Variants in UNC5C observed in about 807,000 individuals in gnomAD.
UNC5C encodes netrin receptor UNC5C.
A neutral mutation model predicts 99.8 loss-of-function variants in UNC5C; 47 were observed. The observed-to-expected ratio is 0.47, with a 90% confidence interval of 0.37 to 0.60. The LOEUF is 0.60. Ranked by LOEUF, UNC5C falls within the 20% of genes least tolerant of loss-of-function variation. UNC5C has a pLI of 0.00. For synonymous variants in UNC5C, 487 were observed against 452.2 expected (o/e 1.08, Z -0.98); for missense variants, 1,062 against 1,165.9 (o/e 0.91, Z 1.30).
At chr4:95,370,640 T>C (rs1040160464) in intron 1 of UNC5C, among the ~76,000 whole-genome samples, 1 of 152,240 alleles carries the variant, frequency 6.6e-6, no homozygotes, top group Non-Finnish European at 1.5e-5. Flanking sequence ...TAACCTTCTT[T>C]TGCTCACTTA....
chr4:95,344,413 C>T (rs1743693307), intron 1 of UNC5C, among the ~76,000 whole-genome samples: 1 of 152,034 alleles, frequency 6.6e-6, no homozygotes, highest in Admixed American at 6.6e-5. Context: ...GAGATTTTAT[C>T]AACACCAGAC....
chr4:95,220,556 C>T (rs1738434951), intron 7 of UNC5C, among the ~76,000 whole-genome samples: 1 of 152,118 alleles, frequency 6.6e-6, no homozygotes, highest in Admixed American at 6.6e-5. Context: ...AAAACATAAA[C>T]ATAAACACTG....
rs944479016 is a variant in UNC5C, at chr4:95,353,586, A to T, written c.125-17955T>A. Among the ~76,000 whole-genome samples, 30 of 152,036 alleles carry T rather than the reference A, an allele frequency of 2.0e-4. 1 individual carries two copies. Among genetic ancestry groups the T allele is most frequent in the African/African-American group, 6.8e-4 (28 of 41,458 alleles). The stretch of plus-strand genomic sequence containing the variant: ...GCATGGAAAATTATATCAGAGTGTT[A>T]GGCTAAGATAGTGAAGGAGACTAAC... On this transcript the variant is annotated intron_variant, in intron 1 of 15. Transcript: ENST00000453304.
intron 7 of UNC5C, among the ~76,000 whole-genome samples, chr4:95,232,368 G>A (rs1004311227): frequency 1.3e-5 from 2 of 151,974 alleles, no homozygotes; most frequent in Admixed American, 6.6e-5. Context: ...AAATCCAAAA[G>A]CAATGATACC....
At chr4:95,342,215 C>A (rs1023365412) in intron 1 of UNC5C, among the ~76,000 whole-genome samples, 1 of 152,110 alleles carries the variant, frequency 6.6e-6, no homozygotes, top group African/African-American at 2.4e-5. Context: ...CCTCCCCTAA[C>A]CATGGGCAGC....
At chr4:95,299,307 C>T (rs897783909) in intron 3 of UNC5C, among the ~76,000 whole-genome samples, 31 of 152,198 alleles carry the variant, frequency 2.0e-4, no homozygotes, top group African/African-American at 6.5e-4. Flanking sequence ...CCAAGAAGAG[C>T]GGCCTCAGGA....
intron 7 of UNC5C, among the ~76,000 whole-genome samples, chr4:95,220,979 A>G (rs1452054921): frequency 6.6e-6 from 1 of 152,206 alleles, no homozygotes; most frequent in Non-Finnish European, 1.5e-5. Flanking sequence ...GAAAGTTCAG[A>G]CTACCCCAGA....
intron 7 of UNC5C, among the ~76,000 whole-genome samples, chr4:95,239,698 T>A (rs1301873890): frequency 6.6e-6 from 1 of 152,246 alleles, no homozygotes; most frequent in Non-Finnish European, 1.5e-5. Flanking sequence ...TGTATGTCTC[T>A]ACTAAGTTTG....
intron 1 of UNC5C, among the ~76,000 whole-genome samples, chr4:95,466,267 T>C (rs1578178622): frequency 6.6e-6 from 1 of 152,262 alleles, no homozygotes; most frequent in Admixed American, 6.5e-5. Flanking sequence ...AGTTTGGGGA[T>C]ACTGCCTTAC....
At chr4:95,332,637 T>A (rs900538090) in intron 2 of UNC5C, among the ~76,000 whole-genome samples, 3 of 150,444 alleles carry the variant, frequency 2.0e-5, no homozygotes, top group Admixed American at 6.7e-5. Flanking sequence ...AACCTAGGCA[T>A]TACCATTCAG....
intron 1 of UNC5C, among the ~76,000 whole-genome samples, chr4:95,444,834 G>A (rs1747050916): frequency 6.6e-6 from 1 of 152,018 alleles, no homozygotes; most frequent in Non-Finnish European, 1.5e-5. Flanking sequence ...GCAACTCCGC[G>A]ATTTTGCTTC....
chr4:95,535,102 T>C (rs749254184), intron 1 of UNC5C, among the ~76,000 whole-genome samples: 14 of 152,156 alleles, frequency 9.2e-5, no homozygotes, highest in Non-Finnish European at 1.9e-4. Flanking sequence ...AGTAGTTTTA[T>C]AGAAATATAT....
At chr4:95,290,863 G>A (rs891701535) in intron 3 of UNC5C, among the ~76,000 whole-genome samples, 1 of 152,108 alleles carries the variant, frequency 6.6e-6, no homozygotes, top group Non-Finnish European at 1.5e-5. Context: ...CTCATAACCA[G>A]GAAGAGCGGT....
At chr4:95,531,470 T>G (rs1722641377) in intron 1 of UNC5C, among the ~76,000 whole-genome samples, 1 of 152,236 alleles carries the variant, frequency 6.6e-6, no homozygotes. Context: ...AAGAAGCAGT[T>G]ACTTGTTATA....
chr4:95,423,990 A>C (rs998611846), intron 1 of UNC5C, among the ~76,000 whole-genome samples: 15 of 152,254 alleles, frequency 9.9e-5, no homozygotes, highest in Non-Finnish European at 1.6e-4. Flanking sequence ...GGAAAACTAT[A>C]TAACAAAATT....
intron 4 of UNC5C, among the ~76,000 whole-genome samples, chr4:95,266,764 CTAAA>C (rs1431621187): frequency 2.0e-5 from 3 of 152,156 alleles, no homozygotes; most frequent in African/African-American, 7.2e-5. Flanking sequence ...TACCTCTTTC[CTAAA>C]TACTTTATTC....
At chr4:95,215,071 C>A (rs1373521037) in intron 10 of UNC5C, among the ~76,000 whole-genome samples, 2 of 152,142 alleles carry the variant, frequency 1.3e-5, no homozygotes, top group African/African-American at 2.4e-5. Context: ...TGTTCTGGGT[C>A]ACACCAATTA....
intron 1 of UNC5C, among the ~76,000 whole-genome samples, chr4:95,405,867 T>TA (rs2149450033): frequency 6.6e-6 from 1 of 152,322 alleles, no homozygotes; most frequent in African/African-American, 2.4e-5. Context: ...TTAATGTTTT[T>TA]ACTGAGCACA....
chr4:95,493,611 C>T (rs1721561404), intron 1 of UNC5C, among the ~76,000 whole-genome samples: 2 of 151,236 alleles, frequency 1.3e-5, no homozygotes, highest in South Asian at 2.1e-4. Context: ...AAAAAAATTT[C>T]TTTCAAATTT....
Sources: gnomAD v4.1 joint callset for allele counts (sites outside exome capture counted in the v4.1 genomes callset) on GRCh38, gnomAD v4.1.1 for gene constraint, MANE v1.5 for transcripts, NCBI Gene and HGNC (gene_info 2026-07-23, HGNC 2026-07-21) for gene names.